The following RBP3 variants were observed in gnomAD, a reference collection of about 807,000 sequenced individuals.
The protein encoded by RBP3 is retinol-binding protein 3.
RBP3 carries 50 observed loss-of-function variants against 64.8 expected under a neutral mutation model. That is an observed-to-expected ratio of 0.77 (90% CI 0.61 to 0.98). RBP3 has a LOEUF of 0.98. Ranked by LOEUF, RBP3 falls within the 50% of genes least tolerant of loss-of-function variation. RBP3 has a pLI of 0.00. For synonymous variants in RBP3, 828 were observed against 730.2 expected (o/e 1.13, Z -2.16); for missense variants, 1,712 against 1,660.5 (o/e 1.03, Z -0.54).
rs781993926 is a variant in RBP3, at chr10:47,348,704, C to A, written c.220C>A (p.Leu74Met). Residue 74 changes from leucine (L) to methionine (M), a missense_variant, in exon 1 of 4, where the codon CTG becomes ATG. Coordinates refer to ENST00000584701, the MANE Select transcript of RBP3 (RefSeq NM_002900.3). ...AGACCCGCAGACGCTGGCCAGTGTG[C>A]TGACAGCCGGGGTGCAGAGCTCCCT... The part of the protein sequence containing the change: ...ISDPQTLASV[L>M]TAGVQSSLND... The A allele has an allele frequency of 6.2e-7, 1 of 1,613,608 alleles. No individual in the cohort carries two copies. Among genetic ancestry groups the A allele is most frequent in the Non-Finnish European group, 8.5e-7 (1 of 1,180,022 alleles).
rs782498848 is a variant in RBP3 at position 47,350,439 on chromosome 10, C to A, written c.1955C>A (p.Ala652Asp). 1.9e-6 allele frequency: 3 copies of A among 1,612,174 alleles called. No homozygotes were observed. In the East Asian group the frequency reaches 6.7e-5, roughly 36 times the overall value. Residue 652 changes from alanine to aspartate, a missense_variant, in exon 1 of 4, where the codon GCT (alanine) becomes GAT (aspartate). Ala to Asp is a moderately radical substitution (Grantham distance 126). Transcript: ENST00000584701. The part of the protein sequence containing the change: ...GTGHLLEAHY[A>D]RPEVVGQTSA... ...GGGCACCTGCTGGAGGCCCACTATG[C>A]TCGGCCAGAGGTCGTGGGGCAGACC...
chr10:47,357,515 G>C lies in RBP3; in HGVS notation c.*58G>C. On this transcript the variant is annotated 3_prime_UTR_variant, in exon 4 of 4. Coordinates refer to ENST00000584701, the MANE Select transcript of RBP3 (RefSeq NM_002900.3). ...ACAGAACCTCTGGGACACACACCAA[G>C]GGCACTCCTGCAGGTGGCCCGGCCT... 3 of 1,505,692 alleles carry C rather than the reference G, an allele frequency of 2.0e-6. No individual in the cohort carries two copies. Among genetic ancestry groups the C allele is most frequent in the Non-Finnish European group, 2.7e-6 (3 of 1,107,410 alleles). 93.3% of individuals were successfully genotyped at this position (1,505,692 alleles called of 1,614,324 possible). A position where few individuals can be genotyped will look rare whatever the true frequency, so the allele number is the denominator to read the frequency against.
chr10:47,350,020 C>A lies in RBP3; in HGVS notation c.1536C>A (p.Arg512=), dbSNP rs1555211249. ...TGCACCTCTTCACCACCTATGATCGCCGCACCAACATCACGCAGGAGCACT... is the reference window on the plus strand; with the variant it reads ...TGCACCTCTTCACCACCTATGATCGACGCACCAACATCACGCAGGAGCACT... ...GPVHLFTTYD[R]RTNITQEHFS... The change falls in exon 1 of 4, where the codon CGC becomes CGA. Residue 512 remains arginine (R), a synonymous_variant. Transcript: ENST00000584701. The A allele has an allele frequency of 6.2e-7, 1 of 1,613,072 alleles. No homozygotes were observed. The highest frequency in any genetic ancestry group is 1.7e-5 in the Admixed American group (1 of 60,006).
intron 1 of RBP3, among the ~76,000 whole-genome samples, 166 bp downstream of exon 1, chr10:47,351,704 C>T (rs530705974): frequency 2.0e-5 from 3 of 152,330 alleles, no homozygotes; most frequent in African/African-American, 7.2e-5. Context: ...CCTGTTCCAT[C>T]CACTCTCTGT....
intron 3 of RBP3, 37 bp downstream of exon 3, chr10:47,355,555 T>TAGAAGCTTCTGGGAAACCAGGGAA (rs1837035350): frequency 1.2e-6 from 2 of 1,613,766 alleles, no homozygotes; most frequent in Non-Finnish European, 1.7e-6. Context: ...GCTGTCATTC[T>TAGAAGCTTCTGGGAAACCAGGGAA]AGAAGCTTCT....
chr10:47,355,267 G>T, intron 2 of RBP3, 109 bp from the exon 3 acceptor site: 1 of 1,393,552 alleles, frequency 7.2e-7, no homozygotes, highest in Non-Finnish European at 1.0e-6. Context: ...GACTGAGGCT[G>T]CCAAGAATTA....
At position 47,357,065 on chromosome 10, in the gene RBP3, A is replaced by T. The variant is rs782655009; in HGVS notation, c.3389-37A>T. On this transcript the variant is annotated intron_variant, in intron 3 of 3. Transcript: ENST00000584701. ...AGAAGACAGGTGCTCCAGGGTCCTG[A>T]CATGACCCCCATCCTGAAGGGCCTT... 5.1e-6 allele frequency: 8 copies of T among 1,577,180 alleles called. No homozygotes were observed. In the Admixed American group the frequency reaches 1.4e-4, roughly 27 times the overall value.
Position 47,350,169 on chromosome 10 carries a change from C to T in RBP3, c.1685C>T (p.Ala562Val), listed in dbSNP as rs1836940301. The change falls in exon 1 of 4, where the codon GCC (alanine) becomes GTC (valine). Residue 562 changes from alanine (A) to valine (V), a missense_variant. Ala to Val is a moderately conservative substitution (Grantham distance 64). Coordinates refer to ENST00000584701, the MANE Select transcript of RBP3 (RefSeq NM_002900.3). ...TTCCTTATGCAGTCGCTGGGCTGGG[C>T]CACACTGGTAGGTGAGATCACCGCG... is the stretch of plus-strand genomic sequence containing the variant. The part of the protein sequence containing the change: ...FAFLMQSLGW[A>V]TLVGEITAGN... The T allele has an allele frequency of 6.2e-7, 1 of 1,612,138 alleles. No individual in the cohort carries two copies. The highest frequency in any genetic ancestry group is 8.5e-7 in the Non-Finnish European group (1 of 1,179,998).
At position 47,349,420 on chromosome 10, in the gene RBP3, C is replaced by T. The variant is rs1836913521; in HGVS notation, c.936C>T (p.Ala312=). The T allele has an allele frequency of 6.2e-7, 1 of 1,611,902 alleles. No homozygotes were observed. The highest frequency in any genetic ancestry group is 1.7e-5 in the Admixed American group (1 of 60,000). The change falls in exon 1 of 4, where the codon GCC becomes GCT. Residue 312 remains alanine (A), a synonymous_variant. Coordinates refer to ENST00000584701, the MANE Select transcript of RBP3 (RefSeq NM_002900.3). The stretch of plus-strand genomic sequence containing the variant: ...GTGTGGGGACTCCGGCCGAGCAGGC[C>T]CTGGAGAAAGCCCTGGCCATCCTCA... ...LPCVGTPAEQ[A]LEKALAILTL...
Position 47,351,312 on chromosome 10 carries a change from C to A in RBP3, c.2828C>A (p.Thr943Lys). 1 of 1,613,500 alleles carries A rather than the reference C, an allele frequency of 6.2e-7. No individual in the cohort carries two copies. The highest frequency in any genetic ancestry group is 8.5e-7 in the Non-Finnish European group (1 of 1,180,044). ...GCCAAGGTGCCCACGGTGCTGCAGA[C>A]GGCCGGGAAGCTGGTGGCTGATAAC... is the stretch of plus-strand genomic sequence containing the variant. ...LRAKVPTVLQTAGKLVADNYA... is the reference protein window; with the variant it reads ...LRAKVPTVLQKAGKLVADNYA... Residue 943 changes from threonine (T) to lysine (K), a missense_variant, in exon 1 of 4, where the codon ACG (threonine) becomes AAG (lysine). Transcript: ENST00000584701.
intron 3 of RBP3, among the ~76,000 whole-genome samples, 155 bp downstream of exon 3, chr10:47,355,673 A>G (rs1187336168): frequency 1.3e-5 from 2 of 152,212 alleles, no homozygotes; most frequent in Non-Finnish European, 2.9e-5. Context: ...GAATCCCTGA[A>G]AAGCATGTAT....
rs1411040403 is a variant in RBP3, at chr10:47,349,111, G to T, written c.627G>T (p.Glu209Asp). Reference protein sequence around the residue: ...IYNRPSNTTTEIWTLPQVLGE... With the variant: ...IYNRPSNTTTDIWTLPQVLGE... ...ACCGCCCCTCCAACACCACCACGGA[G>T]ATCTGGACCTTGCCCCAGGTCCTGG... Residue 209 changes from glutamate to aspartate, a missense_variant, in exon 1 of 4, where the codon GAG (glutamate) becomes GAT (aspartate). Coordinates refer to ENST00000584701, the MANE Select transcript of RBP3 (RefSeq NM_002900.3). The T allele has an allele frequency of 1.9e-6, 3 of 1,613,950 alleles. No homozygotes were observed. The highest frequency in any genetic ancestry group is 2.7e-5 in the African/African-American group (2 of 74,936).
At chr10:47,353,204 A>G in intron 1 of RBP3, 121 bp from the exon 2 acceptor site, 1 of 900,006 alleles carries the variant, frequency 1.1e-6, no homozygotes, top group Non-Finnish European at 1.8e-6. Flanking sequence ...GGTGTCTACT[A>G]ATTCCTTCAG....
In RBP3 at chr10:47,349,526, C is replaced by T. The variant is rs199720350; in HGVS notation, c.1042C>T (p.Pro348Ser). ...CTACTACACGCTGGTGGACCGTGTG[C>T]CCACCCTGCTGCAGCACTTGGCCAG... ...KDYYTLVDRV[P>S]TLLQHLASMD... Residue 348 changes from proline (P) to serine (S), a missense_variant, in exon 1 of 4, where the codon CCC becomes TCC. Pro to Ser is a moderately conservative substitution (Grantham distance 74, BLOSUM62 -1). Transcript: ENST00000584701. 1.3e-5 allele frequency: 21 copies of T among 1,613,002 alleles called. 1 individual carries two copies. The highest frequency in any genetic ancestry group is 1.2e-4 in the South Asian group (11 of 91,080).
Position 47,351,273 on chromosome 10 carries a change from T to C in RBP3, c.2789T>C (p.Ile930Thr), listed in dbSNP as rs370922435. ...MSEALSIAQD[I>T]VALRAKVPTV... ...GAAGCCCTTTCCATAGCCCAGGACATAGTGGCTCTGCGTGCCAAGGTGCCC... is the reference window on the plus strand; with the variant it reads ...GAAGCCCTTTCCATAGCCCAGGACACAGTGGCTCTGCGTGCCAAGGTGCCC... Residue 930 changes from isoleucine to threonine, a missense_variant, in exon 1 of 4, where the codon ATA becomes ACA. By Grantham distance (89) the Ile-to-Thr change is moderately conservative. Coordinates refer to ENST00000584701, the MANE Select transcript of RBP3 (RefSeq NM_002900.3). The C allele has an allele frequency of 1.9e-5, 30 of 1,613,250 alleles. No individual in the cohort carries two copies. Among genetic ancestry groups the C allele is most frequent in the Non-Finnish European group, 2.5e-5 (29 of 1,180,030 alleles).
intron 1 of RBP3, among the ~76,000 whole-genome samples, chr10:47,352,943 T>C (rs1836997298): frequency 6.6e-6 from 1 of 152,178 alleles, no homozygotes. Flanking sequence ...ACAAAGTGCT[T>C]AGTACCGGGC....
At chr10:47,355,116 T>C (rs1555211894) in intron 2 of RBP3, among the ~76,000 whole-genome samples, 1 of 152,228 alleles carries the variant, frequency 6.6e-6, no homozygotes, top group Non-Finnish European at 1.5e-5. Flanking sequence ...GCCTTTAATA[T>C]ATTAACATGT....
In RBP3 at chr10:47,348,995, C is replaced by T. The variant is rs371068323; in HGVS notation, c.511C>T (p.His171Tyr). The change falls in exon 1 of 4, where the codon CAC becomes TAC. Residue 171 changes from histidine (H) to tyrosine (Y), a missense_variant. By Grantham distance (83) the His-to-Tyr change is moderately conservative. Transcript: ENST00000584701. ...GTSALVLDLR[H>Y]CTGGQVSGIP... ...CTCCGCCTTAGTGCTGGATCTCCGG[C>T]ACTGCACAGGAGGCCAGGTCTCTGG... 2 of 1,613,912 alleles carry T rather than the reference C, an allele frequency of 1.2e-6. No homozygotes were observed. Among genetic ancestry groups the T allele is most frequent in the Admixed American group, 1.7e-5 (1 of 60,010 alleles).
At position 47,349,705 on chromosome 10, in the gene RBP3, C is replaced by A; in HGVS notation, c.1221C>A (p.Asp407Glu). Residue 407 changes from aspartate to glutamate, a missense_variant, in exon 1 of 4, where the codon GAC (aspartate) becomes GAA (glutamate). Transcript: ENST00000584701. ...SWPAPDAAAEDSPGVAPELPE... is the reference protein window; with the variant it reads ...SWPAPDAAAEESPGVAPELPE... ...CCGCGCCCGACGCTGCAGCCGAAGA[C>A]TCACCAGGGGTGGCCCCAGAGTTGC... 6 of 1,611,886 alleles carry A rather than the reference C, an allele frequency of 3.7e-6. No homozygotes were observed. Among genetic ancestry groups the A allele is most frequent in the Non-Finnish European group, 5.1e-6 (6 of 1,180,022 alleles).
Sources: allele counts gnomAD v4.1 joint callset (sites outside exome capture counted in the v4.1 genomes callset), GRCh38; gene constraint gnomAD v4.1.1; transcripts MANE v1.5; gene names NCBI Gene and HGNC (gene_info 2026-07-23, HGNC 2026-07-21).